Variants in VAV2 observed in about 807,000 individuals in gnomAD.
VAV2 encodes the protein vav guanine nucleotide exchange factor 2.
A neutral mutation model predicts 132.5 loss-of-function variants in VAV2; 67 were observed. The observed-to-expected ratio is 0.51, with a 90% CI of 0.42 to 0.62. The LOEUF is 0.62. Ranked by LOEUF, VAV2 falls within the 20% of genes least tolerant of loss-of-function variation. VAV2 has a pLI of 0.00. For synonymous variants in VAV2, 492 were observed against 443.5 expected (o/e 1.11, Z -1.37); for missense variants, 938 against 1,153.6 (o/e 0.81, Z 2.71).
intron 2 of VAV2, among the ~76,000 whole-genome samples, chr9:133,901,314 C>T (rs1407783101): frequency 6.6e-6 from 1 of 152,240 alleles, no homozygotes; most frequent in Non-Finnish European, 1.5e-5. Context: ...AGATCGTCTC[C>T]TCCCGAGCCT....
intron 12 of VAV2, 134 bp from the exon 13 acceptor site, chr9:133,792,003 GTGT>G: frequency 2.5e-5 from 5 of 198,848 alleles, no homozygotes; most frequent in South Asian, 1.7e-4. Flanking sequence ...GTGTGACTGT[GTGT>G]GAATGAGCTG....
chr9:133,980,338 G>T (rs761145256), intron 1 of VAV2, among the ~76,000 whole-genome samples: 2 of 152,214 alleles, frequency 1.3e-5, no homozygotes, highest in Non-Finnish European at 2.9e-5. Context: ...CCATTAACCA[G>T]GGCAGAGCCG....
At chr9:133,923,255 C>T (rs958438220) in intron 2 of VAV2, among the ~76,000 whole-genome samples, 6 of 152,088 alleles carry the variant, frequency 3.9e-5, no homozygotes, top group East Asian at 1.9e-4. Context: ...AAAATGGTGA[C>T]GCCACTGGGG....
chr9:133,821,633 A>G (rs1252206551), intron 4 of VAV2, among the ~76,000 whole-genome samples: 2 of 152,238 alleles, frequency 1.3e-5, no homozygotes, highest in Admixed American at 6.5e-5. Context: ...TGTGGTCAGC[A>G]TTAAAAATGA....
At position 133,858,131 on chromosome 9, in the gene VAV2, G is replaced by A. The variant is rs111424211; in HGVS notation, c.380+3243C>T. Among the ~76,000 whole-genome samples the A allele has an allele frequency of 9.3e-3, 1,422 of 152,302 alleles. 10 individuals carry two copies. The highest frequency in any genetic ancestry group is 0.014 in the Non-Finnish European group (979 of 68,012). On this transcript the variant is annotated intron_variant, in intron 3 of 29. Transcript: ENST00000371850. ...AGATGACCTCTAACCTCTAAGCCCC[G>A]TAGTGTCTGCCAGATAGGCCCTCCG... is the stretch of plus-strand genomic sequence containing the variant.
chr9:133,836,981 T>C (rs1245749249), intron 3 of VAV2, among the ~76,000 whole-genome samples: 2 of 152,188 alleles, frequency 1.3e-5, no homozygotes, highest in African/African-American at 2.4e-5. Context: ...CCACCTGCCC[T>C]GCCAGGAGAG....
chr9:133,906,120 C>T (rs151035113), intron 2 of VAV2, among the ~76,000 whole-genome samples: 10 of 152,184 alleles, frequency 6.6e-5, no homozygotes, highest in Admixed American at 2.0e-4. Context: ...CTGGAGGTAT[C>T]GGCAGTCCCC....
At position 133,794,472 on chromosome 9, in the gene VAV2, G is replaced by A. The variant is rs553334450; in HGVS notation, c.1101+1196C>T. Among the ~76,000 whole-genome samples, 11 of 152,282 alleles carry A rather than the reference G, an allele frequency of 7.2e-5. No homozygotes were observed. In the East Asian group the frequency reaches 1.2e-3, roughly 16 times the overall value. On this transcript the variant is annotated intron_variant, in intron 12 of 29. Coordinates refer to ENST00000371850, the MANE Select transcript of VAV2 (RefSeq NM_001134398.2). The surrounding 1 kb of genome is among the most constrained non-coding windows in gnomAD (Gnocchi z 4.6). Reference sequence around the variant, plus strand: ...GCTCAGAGAACCTCTTAGCACCGGCGGCCAAGCACTGGCCCCACTCCCGTC... The same window carrying A: ...GCTCAGAGAACCTCTTAGCACCGGCAGCCAAGCACTGGCCCCACTCCCGTC...
chr9:133,818,036 T>C (rs185659989), intron 4 of VAV2, among the ~76,000 whole-genome samples: 1,537 of 152,126 alleles, frequency 0.01, 19 homozygotes, highest in Non-Finnish European at 0.014. Context: ...CGGACAGGTG[T>C]CATCCAATCC....
At chr9:133,874,443 C>T (rs1251698699) in intron 2 of VAV2, among the ~76,000 whole-genome samples, 1 of 152,198 alleles carries the variant, frequency 6.6e-6, no homozygotes, top group African/African-American at 2.4e-5. Context: ...ATCCCAGACC[C>T]AGGCTGCAGA....
In VAV2 at chr9:133,780,287, C is replaced by T. The variant is rs1282825260; in HGVS notation, c.1741-348G>A. 2.6e-5 allele frequency among the ~76,000 whole-genome samples: 4 copies of T among 152,198 alleles called. 1 individual carries two copies. The highest frequency in any genetic ancestry group is 2.0e-4 in the Admixed American group (3 of 15,284). ...TGCCAAATACGACTAAGTTTCCATC[C>T]TCCATGGAGGCTGGTTCATGTGGAC... is the stretch of plus-strand genomic sequence containing the variant. On this transcript the variant is annotated intron_variant, in intron 20 of 29. Coordinates refer to ENST00000371850, the MANE Select transcript of VAV2 (RefSeq NM_001134398.2).
intron 4 of VAV2, among the ~76,000 whole-genome samples, chr9:133,818,722 T>G (rs1028207670): frequency 1.3e-5 from 2 of 152,346 alleles, no homozygotes; most frequent in African/African-American, 4.8e-5. Context: ...TTATGCTTCT[T>G]GGAAGCCACT....
intron 2 of VAV2, among the ~76,000 whole-genome samples, chr9:133,917,475 T>C (rs1840138930): frequency 1.4e-5 from 2 of 144,604 alleles, no homozygotes; most frequent in African/African-American, 2.9e-5. Flanking sequence ...GGGTTTTATT[T>C]GTTTATCGTT....
At chr9:133,791,722 C>A in intron 13 of VAV2, 61 bp downstream of exon 13, 2 of 1,458,632 alleles carry the variant, frequency 1.4e-6, no homozygotes, top group Non-Finnish European at 9.6e-7. Flanking sequence ...GGGCTGTGAA[C>A]GTGACTTTAT....
At position 133,963,829 on chromosome 9, in the gene VAV2, T is replaced by C. The variant is rs972755582; in HGVS notation, c.205-24610A>G. Among the ~76,000 whole-genome samples, 21 of 151,952 alleles carry C rather than the reference T, an allele frequency of 1.4e-4. No individual in the cohort carries two copies. The South Asian group carries it at 2.3e-3, about 17-fold the overall frequency. ...AGAACATGCAAGGAAAACTATGTCA[T>C]CTTGGAATCAATGAAATAAAGTACA... On this transcript the variant is annotated intron_variant, in intron 1 of 29. Transcript: ENST00000371850.
intron 13 of VAV2, among the ~76,000 whole-genome samples, chr9:133,790,254 G>A (rs764679817): frequency 2.6e-5 from 4 of 152,212 alleles, no homozygotes; most frequent in Non-Finnish European, 5.9e-5. Context: ...GTGGCTCACT[G>A]CAACCTCTGC....
rs1260616661 is a variant in VAV2, at chr9:133,991,693, G to C, written c.204+382C>G. On this transcript the variant is annotated intron_variant, in intron 1 of 29. Coordinates refer to ENST00000371850, the MANE Select transcript of VAV2 (RefSeq NM_001134398.2). This position sits in a 1 kb window ranked among gnomAD's most constrained non-coding sequence, Gnocchi z 4.8. Reference sequence around the variant, plus strand: ...CCGGCCAGGAGGCGCGAGGCCCAAGGATGCGACCCACGACGCGCACACCCG... The same window carrying C: ...CCGGCCAGGAGGCGCGAGGCCCAAGCATGCGACCCACGACGCGCACACCCG... Among the ~76,000 whole-genome samples the C allele has an allele frequency of 1.3e-5, 2 of 151,440 alleles. No homozygotes were observed. Among genetic ancestry groups the C allele is most frequent in the African/African-American group, 4.8e-5 (2 of 41,360 alleles).
Position 133,796,516 on chromosome 9 carries a change from T to C in VAV2, c.945A>G (p.Thr315=), listed in dbSNP as rs141844419. The change falls in exon 11 of 30, where the codon ACA becomes ACG. Residue 315 remains threonine, a synonymous_variant. Transcript: ENST00000371850. The part of the protein sequence containing the change: ...EDFRQKVEEC[T]LKVQDGKFKL... Reference sequence around the variant, plus strand: ...TAAATTTTCCATCCTGGACCTTCAGTGTGCACTCCTGGGAGGGCGACAGGG... The same window carrying C: ...TAAATTTTCCATCCTGGACCTTCAGCGTGCACTCCTGGGAGGGCGACAGGG... 3.2e-5 allele frequency: 51 copies of C among 1,613,392 alleles called. No individual in the cohort carries two copies. In the African/African-American group the frequency reaches 5.9e-4, roughly 19 times the overall value.
intron 1 of VAV2, among the ~76,000 whole-genome samples, chr9:133,981,964 G>A (rs12336601): frequency 1.3e-5 from 2 of 152,238 alleles, no homozygotes; most frequent in Non-Finnish European, 2.9e-5. Flanking sequence ...CTGAGCACTT[G>A]CTGTTGGACC....
Sources: gnomAD v4.1 joint callset for allele counts (sites outside exome capture counted in the v4.1 genomes callset) on GRCh38, gnomAD v4.1.1 for gene constraint, Gnocchi (gnomAD v3.1) non-coding constraint, MANE v1.5 for transcripts, NCBI Gene and HGNC (gene_info 2026-07-23, HGNC 2026-07-21) for gene names.